The following ZNF419 variants were observed in gnomAD, a reference collection of about 807,000 sequenced individuals.
ZNF419 encodes zinc finger protein 419A.
Under a neutral mutation model 14.9 loss-of-function variants are expected in ZNF419, and 8 were observed. The observed-to-expected ratio is 0.54, with a 90% CI of 0.32 to 0.97. ZNF419 has a LOEUF of 0.97. Among genes scored for constraint, ZNF419 ranks in the 50% least tolerant of loss-of-function variants. ZNF419 has a pLI of 0.04. For synonymous variants in ZNF419, 211 were observed against 205.3 expected, an observed-to-expected ratio of 1.03 and a Z score of -0.24; for missense variants, 595 against 607.2, an observed-to-expected ratio of 0.98 and a Z score of 0.21.
rs145228150 is a variant in ZNF419, at chr19:57,492,524, C to G, written c.298+313C>G. 262 of 759,600 alleles carry G rather than the reference C, an allele frequency of 3.4e-4. 4 individuals are homozygous for G. Among genetic ancestry groups the G allele is most frequent in the African/African-American group, 2.8e-3 (165 of 59,148 alleles). The allele number at this position is 759,600 out of a possible 1,614,324, so 47.1% of individuals were successfully genotyped here. The stretch of plus-strand genomic sequence containing the variant: ...TGGTTGCAGTTGGTTTTTTCTGGAC[C>G]TGGACATAACCTTCTGTGCCGTGTT... On this transcript the variant is annotated intron_variant, in intron 4 of 4. Transcript: ENST00000221735.
Position 57,493,873 on chromosome 19 carries a change from GCTCAAC to G in ZNF419, c.1318_1323del (p.Ser440_Thr441del). On this transcript the variant is annotated inframe_deletion, in exon 5 of 5. Coordinates refer to ENST00000221735, the MANE Select transcript of ZNF419 (RefSeq NM_024691.4). ...GAATGTGGGAAATTTTTTAGCCAAA[GCTCAAC>G]CCTCATGCAACATCGAAAAGTTCAC... is the stretch of plus-strand genomic sequence containing the variant. The G allele has an allele frequency of 6.2e-7, 1 of 1,611,068 alleles. No homozygotes were observed. The highest frequency in any genetic ancestry group is 8.5e-7 in the Non-Finnish European group (1 of 1,179,192).
rs1469752807 is a variant in ZNF419, at chr19:57,490,185, G to A, written c.72G>A (p.Glu24=). ...CAGACTTGCTTACAGACCATGAGGA[G>A]GTAAGTGGAGGATGTCTCAGGTCCT... ...VAADLLTDHE[E]GYVTFEDVAV... Residue 24 remains glutamate (E), a splice_region_variant and synonymous_variant, in exon 2 of 5, where the codon GAG becomes GAA. Transcript: ENST00000221735. The A allele has an allele frequency of 9.9e-6, 16 of 1,613,274 alleles. No individual in the cohort carries two copies. In the African/African-American group the frequency reaches 1.7e-4, roughly 18 times the overall value.
rs1316765702 is a variant in ZNF419 at position 57,492,534 on chromosome 19, C to A, written c.299-322C>A. 4 of 756,878 alleles carry A rather than the reference C, an allele frequency of 5.3e-6. No individual in the cohort carries two copies. The East Asian group carries it at 7.4e-5, about 14-fold the overall frequency. 46.9% of individuals were successfully genotyped at this position (756,878 alleles called of 1,614,324 possible). A position where few individuals can be genotyped will look rare whatever the true frequency, so the allele number is the denominator to read the frequency against. On this transcript the variant is annotated intron_variant, in intron 4 of 4. Coordinates refer to ENST00000221735, the MANE Select transcript of ZNF419 (RefSeq NM_024691.4). The stretch of plus-strand genomic sequence containing the variant: ...TGGTTTTTTCTGGACCTGGACATAA[C>A]CTTCTGTGCCGTGTTCCTGTGTCTC...
intron 1 of ZNF419, chr19:57,489,895 A>G: frequency 2.0e-6 from 1 of 505,562 alleles, no homozygotes; most frequent in Non-Finnish European, 3.6e-6. Context: ...TAGACACATA[A>G]GAATGAGTTT....
In ZNF419 at chr19:57,493,091, G is replaced by C; in HGVS notation, c.534G>C (p.Gln178His). The change falls in exon 5 of 5, where the codon CAG becomes CAC. Residue 178 changes from glutamine (Q) to histidine (H), a missense_variant. Gln to His is a conservative substitution (Grantham distance 24). Coordinates refer to ENST00000221735, the MANE Select transcript of ZNF419 (RefSeq NM_024691.4). ...LLISSGVLKH[Q>H]VTHTGEKSHR... Reference sequence around the variant, plus strand: ...TCAGCTCAGGTGTTCTCAAGCACCAGGTGACTCACACAGGAGAGAAGTCAC... The same window carrying C: ...TCAGCTCAGGTGTTCTCAAGCACCACGTGACTCACACAGGAGAGAAGTCAC... 1 of 1,614,090 alleles carries C rather than the reference G, an allele frequency of 6.2e-7. No homozygotes were observed. The highest frequency in any genetic ancestry group is 8.5e-7 in the Non-Finnish European group (1 of 1,179,990).
chr19:57,491,916 G>C (rs2089494524), intron 3 of ZNF419, 197 bp from the exon 4 acceptor site: 1 of 654,786 alleles, frequency 1.5e-6, no homozygotes, highest in Non-Finnish European at 2.7e-6. Flanking sequence ...CATTCTGCCT[G>C]TCTCCTCTAG....
At chr19:57,491,191 G>A (rs189444474) in intron 2 of ZNF419, 2 of 485,726 alleles carry the variant, frequency 4.1e-6, no homozygotes, top group East Asian at 3.6e-5. Context: ...GATTGTATTT[G>A]AGAAACACAG....
chr19:57,491,502 A>G lies in ZNF419; in HGVS notation c.104A>G (p.Tyr35Cys), dbSNP rs201293789. The G allele has an allele frequency of 3.7e-6, 6 of 1,614,070 alleles. No individual in the cohort carries two copies. Among genetic ancestry groups the G allele is most frequent in the South Asian group, 1.1e-5 (1 of 91,074 alleles). The change falls in exon 3 of 5, where the codon TAC (tyrosine) becomes TGC (cysteine). Residue 35 changes from tyrosine to cysteine, a missense_variant. Tyr to Cys is a radical substitution (Grantham distance 194). Transcript: ENST00000221735. ...GTGACCTTTGAGGATGTGGCTGTCT[A>G]CTTCTCCCAGGAGGAATGGAGATTG... Reference protein sequence around the residue: ...GYVTFEDVAVYFSQEEWRLLD... With the variant: ...GYVTFEDVAVCFSQEEWRLLD...
Position 57,491,594 on chromosome 19 carries a change from CTG to C in ZNF419, c.197_198del (p.Leu66ArgfsTer9). 1 of 1,614,108 alleles carries C rather than the reference CTG, an allele frequency of 6.2e-7. No homozygotes were observed. The highest frequency in any genetic ancestry group is 8.5e-7 in the Non-Finnish European group (1 of 1,180,020). ...MLENFTLLAS[L>X]GLASSKTHEI... is the part of the protein sequence containing the mutation. Reference sequence around the variant, plus strand: ...GGAGAACTTTACACTTCTGGCCTCTCTGGGTAAGGTTCTCACACCCCACCCCA... The same window carrying C: ...GGAGAACTTTACACTTCTGGCCTCTCGGTAAGGTTCTCACACCCCACCCCA... On this transcript the variant is annotated frameshift_variant and splice_region_variant, in exon 3 of 5. Coordinates refer to ENST00000221735, the MANE Select transcript of ZNF419 (RefSeq NM_024691.4). LOFTEE classifies it high-confidence loss of function.
rs1477942443 is a variant in ZNF419, at chr19:57,495,762, A to T, written c.*1672A>T. On this transcript the variant is annotated 3_prime_UTR_variant, in exon 5 of 5. Coordinates refer to ENST00000221735, the MANE Select transcript of ZNF419 (RefSeq NM_024691.4). The stretch of plus-strand genomic sequence containing the variant: ...AAAAAAAAAAAAAAAAAAAAAAAAA[A>T]AAAAAAAGCCTTATGTGAGTATGCT... 1 of 125,880 alleles carries T rather than the reference A, an allele frequency of 7.9e-6. No individual in the cohort carries two copies. The highest frequency in any genetic ancestry group is 1.7e-5 in the Non-Finnish European group (1 of 60,562). 7.8% of individuals were successfully genotyped at this position (125,880 alleles called of 1,614,324 possible). A position where few individuals can be genotyped will look rare whatever the true frequency, so the allele number is the denominator to read the frequency against.
chr19:57,488,104 G>A, intron 1 of ZNF419, 121 bp downstream of exon 1: 1 of 1,459,462 alleles, frequency 6.9e-7, no homozygotes, highest in Non-Finnish European at 9.3e-7. Context: ...CTGACACGCA[G>A]TGTGATGGGG....
rs2089582510 is a variant in ZNF419 at position 57,494,419 on chromosome 19, C to G, written c.*329C>G. 7.2e-6 allele frequency: 2 copies of G among 278,084 alleles called. No homozygotes were observed. The highest frequency in any genetic ancestry group is 7.6e-5 in the East Asian group (1 of 13,240). 17.2% of individuals were successfully genotyped at this position (278,084 alleles called of 1,614,324 possible). A position where few individuals can be genotyped will look rare whatever the true frequency, so the allele number is the denominator to read the frequency against. On this transcript the variant is annotated 3_prime_UTR_variant, in exon 5 of 5. Transcript: ENST00000221735. ...GAGCTGGCAATTGAACATCATTCAT[C>G]TAAATATGCACACTGGAGGCAAGAT...
At chr19:57,492,238 G>A (rs758262278) in intron 4 of ZNF419, 27 bp downstream of exon 4, 3 of 1,612,546 alleles carry the variant, frequency 1.9e-6, no homozygotes, top group Admixed American at 1.7e-5. Context: ...GCTCAGGGAG[G>A]TGTGAACTCA....
rs2123210836 is a variant in ZNF419 at position 57,493,055 on chromosome 19, G to T, written c.498G>T (p.Lys166Asn). Residue 166 changes from lysine (K) to asparagine (N), a missense_variant, in exon 5 of 5, where the codon AAG becomes AAT. Coordinates refer to ENST00000221735, the MANE Select transcript of ZNF419 (RefSeq NM_024691.4). ...CCTTGCAAAGCAGGGAGGTTGGGAAGGCCCTCCTGATCAGCTCAGGTGTTC... is the reference window on the plus strand; with the variant it reads ...CCTTGCAAAGCAGGGAGGTTGGGAATGCCCTCCTGATCAGCTCAGGTGTTC... ...EKSLQSREVG[K>N]ALLISSGVLK... 10 of 1,614,090 alleles carry T rather than the reference G, an allele frequency of 6.2e-6. No homozygotes were observed. Among genetic ancestry groups the T allele is most frequent in the Non-Finnish European group, 8.5e-6 (10 of 1,179,988 alleles).
rs769964809 is a variant in ZNF419 at position 57,493,445 on chromosome 19, C to G, written c.888C>G (p.Phe296Leu). The G allele has an allele frequency of 6.2e-7, 1 of 1,612,114 alleles. No homozygotes were observed. The highest frequency in any genetic ancestry group is 1.3e-5 in the African/African-American group (1 of 74,294). The change falls in exon 5 of 5, where the codon TTC becomes TTG. Residue 296 changes from phenylalanine to leucine, a missense_variant. By Grantham distance (22) the Phe-to-Leu change is conservative (BLOSUM62 0). Transcript: ENST00000221735. ...CATGCAGTGAATGTGGAAAAGCTTT[C>G]AGGCATAATTCCACACTTGTTCAGC... ...PFTCSECGKAFRHNSTLVQHH... is the reference protein window; with the variant it reads ...PFTCSECGKALRHNSTLVQHH...
At position 57,493,708 on chromosome 19, in the gene ZNF419, C is replaced by G. The variant is rs766465680; in HGVS notation, c.1151C>G (p.Ser384Ter). The G allele has an allele frequency of 1.2e-6, 2 of 1,614,180 alleles. No individual in the cohort carries two copies. The highest frequency in any genetic ancestry group is 2.2e-5 in the South Asian group (2 of 91,072). ...TGTGGGAAATTTTTTACCCAATGCT[C>G]AAGCCTCATGCAACATCAAAAAGTT... ...SDCGKFFTQC[S>*]SLMQHQKVHT... Residue 384 changes from serine (S) to a stop codon, truncating the protein, a stop_gained, in exon 5 of 5, where the codon TCA (serine) becomes TGA (stop). Transcript: ENST00000221735. LOFTEE classifies it low-confidence loss of function (END_TRUNC).
intron 4 of ZNF419, chr19:57,492,414 C>A: frequency 1.3e-6 from 1 of 786,140 alleles, no homozygotes; most frequent in Non-Finnish European, 2.3e-6. Flanking sequence ...ACCCAGTCAT[C>A]AGCAGAACCC....
Position 57,493,234 on chromosome 19 carries a change from C to G in ZNF419, c.677C>G (p.Ala226Gly). Residue 226 changes from alanine to glycine, a missense_variant, in exon 5 of 5, where the codon GCT (alanine) becomes GGT (glycine). Physicochemically the swap from Ala to Gly is moderately conservative, Grantham distance 60 (BLOSUM62 0). Transcript: ENST00000221735. ...YLLVQHQRLH[A>G]GKKTYECSEC... Reference sequence around the variant, plus strand: ...CTTGTTCAGCACCAGAGACTACATGCTGGGAAAAAGACGTATGAATGCAGT... The same window carrying G: ...CTTGTTCAGCACCAGAGACTACATGGTGGGAAAAAGACGTATGAATGCAGT... The G allele has an allele frequency of 6.2e-7, 1 of 1,614,194 alleles. No individual in the cohort carries two copies. Among genetic ancestry groups the G allele is most frequent in the Non-Finnish European group, 8.5e-7 (1 of 1,180,030 alleles).
Position 57,493,136 on chromosome 19 carries a change from G to A in ZNF419, c.579G>A (p.Arg193=). ...GEKSHRSSKS[R]EAFHAGKRHY... is the part of the protein sequence containing the mutation. ...AGTCACATAGGAGCTCCAAAAGTAG[G>A]GAGGCCTTTCATGCTGGAAAAAGGC... Residue 193 remains arginine, a synonymous_variant, in exon 5 of 5, where the codon AGG becomes AGA. Transcript: ENST00000221735. The A allele has an allele frequency of 6.2e-7, 1 of 1,614,166 alleles. No individual in the cohort carries two copies. Among genetic ancestry groups the A allele is most frequent in the Non-Finnish European group, 8.5e-7 (1 of 1,180,030 alleles).
Sources: allele counts gnomAD v4.1 joint callset, GRCh38; gene constraint gnomAD v4.1.1; transcripts MANE v1.5; gene names NCBI Gene and HGNC (gene_info 2026-07-23, HGNC 2026-07-21).